The following CNTNAP2 variants were observed in gnomAD, a reference collection of about 807,000 sequenced individuals.
CNTNAP2 encodes contactin-associated protein-like 2.
In CNTNAP2, 98 loss-of-function variants were observed where a neutral mutation model predicts 155.2. The observed-to-expected ratio is 0.63, with a 90% CI of 0.54 to 0.75. CNTNAP2 has a LOEUF of 0.75. Among genes scored for constraint, CNTNAP2 ranks in the 30% least tolerant of loss-of-function variants. CNTNAP2 has a pLI of 0.00. For missense variants in CNTNAP2, 1,727 were observed against 1,688.1 expected (o/e 1.02, Z -0.40); for synonymous variants, 651 against 631.2 (o/e 1.03, Z -0.47).
chr7:146,240,802 G>T (rs1476676018), intron 1 of CNTNAP2, among the ~76,000 whole-genome samples: 3 of 152,170 alleles, frequency 2.0e-5, no homozygotes, highest in Non-Finnish European at 4.4e-5. Flanking sequence ...GTTGGGAAAT[G>T]TCATTAGCCC....
intron 1 of CNTNAP2, among the ~76,000 whole-genome samples, chr7:146,360,386 G>A (rs952233331): frequency 6.6e-5 from 10 of 152,142 alleles, no homozygotes; most frequent in Admixed American, 2.0e-4. Flanking sequence ...TACTACTACT[G>A]TGTAAAAACG....
chr7:147,748,164 C>A (rs2116498458), intron 13 of CNTNAP2, among the ~76,000 whole-genome samples: 1 of 152,250 alleles, frequency 6.6e-6, no homozygotes, highest in Middle Eastern at 3.4e-3. Context: ...ACCTTGACAA[C>A]AAGCTAAGAA....
chr7:146,418,882 A>G (rs1197628596), intron 1 of CNTNAP2, among the ~76,000 whole-genome samples: 1 of 152,112 alleles, frequency 6.6e-6, no homozygotes, highest in Non-Finnish European at 1.5e-5. Context: ...CAAGATGGCC[A>G]TCTACAAGCC....
intron 3 of CNTNAP2, among the ~76,000 whole-genome samples, chr7:146,962,542 T>G (rs918589157): frequency 6.6e-6 from 1 of 152,106 alleles, no homozygotes; most frequent in African/African-American, 2.4e-5. Flanking sequence ...AACATAGTTT[T>G]TTTGTTTGTT....
At chr7:146,735,041 T>C (rs1254000987) in intron 1 of CNTNAP2, among the ~76,000 whole-genome samples, 2 of 152,178 alleles carry the variant, frequency 1.3e-5, no homozygotes, top group Non-Finnish European at 2.9e-5. Flanking sequence ...TTTGAAAATA[T>C]GCTGAAATGT....
intron 12 of CNTNAP2, among the ~76,000 whole-genome samples, chr7:147,585,121 T>G (rs546252925): frequency 6.6e-6 from 1 of 152,272 alleles, no homozygotes; most frequent in Non-Finnish European, 1.5e-5. Flanking sequence ...TAAATTGAAT[T>G]CCCGTGGCTT....
At chr7:147,098,002 G>T (rs1800579182) in intron 4 of CNTNAP2, among the ~76,000 whole-genome samples, 1 of 152,128 alleles carries the variant, frequency 6.6e-6, no homozygotes, top group South Asian at 2.1e-4. Flanking sequence ...GAAATTCTGT[G>T]TAGTGATAAT....
intron 10 of CNTNAP2, among the ~76,000 whole-genome samples, chr7:147,473,127 AG>A (rs1298419584): frequency 6.6e-6 from 1 of 152,208 alleles, no homozygotes; most frequent in East Asian, 1.9e-4. Context: ...CTGTGAGAAA[AG>A]GAGCTTTTGT....
intron 14 of CNTNAP2, among the ~76,000 whole-genome samples, chr7:147,937,750 AT>A (rs1348628607): frequency 1.3e-5 from 2 of 152,010 alleles, no homozygotes; most frequent in East Asian, 3.9e-4. Flanking sequence ...TCTTTCTCTC[AT>A]TTTCGAAACC....
intron 21 of CNTNAP2, among the ~76,000 whole-genome samples, chr7:148,284,012 C>A (rs1292647845): frequency 6.6e-6 from 1 of 152,202 alleles, no homozygotes; most frequent in Non-Finnish European, 1.5e-5. Context: ...TTAGCAGCAA[C>A]TGTATGAAAC....
At chr7:147,857,020 AAAG>A (rs1799051430) in intron 13 of CNTNAP2, among the ~76,000 whole-genome samples, 1 of 152,236 alleles carries the variant, frequency 6.6e-6, no homozygotes, top group African/African-American at 2.4e-5. Flanking sequence ...AGGCTGGGAC[AAAG>A]AAGATGACAG....
At chr7:146,210,046 C>T (rs939344147) in intron 1 of CNTNAP2, among the ~76,000 whole-genome samples, 3 of 152,108 alleles carry the variant, frequency 2.0e-5, no homozygotes, top group African/African-American at 7.2e-5. Context: ...CCTTCTCCCC[C>T]AGATTAAATC....
At chr7:147,049,733 G>A (rs886247273) in intron 4 of CNTNAP2, among the ~76,000 whole-genome samples, 2 of 152,056 alleles carry the variant, frequency 1.3e-5, no homozygotes, top group Non-Finnish European at 2.9e-5. Context: ...AGAGGGAATG[G>A]GGCTTCTTTC....
At chr7:147,868,539 G>A (rs764750580) in intron 13 of CNTNAP2, among the ~76,000 whole-genome samples, 1 of 152,234 alleles carries the variant, frequency 6.6e-6, no homozygotes, top group East Asian at 1.9e-4. Context: ...TGCAGAAGTT[G>A]TCTGCTGCCT....
At chr7:146,935,889 A>G (rs1796904358) in intron 3 of CNTNAP2, among the ~76,000 whole-genome samples, 1 of 152,186 alleles carries the variant, frequency 6.6e-6, no homozygotes, top group Non-Finnish European at 1.5e-5. Flanking sequence ...AGTAGGGACC[A>G]TACTTTCAAC....
intron 1 of CNTNAP2, among the ~76,000 whole-genome samples, chr7:146,589,214 G>A (rs758851662): frequency 1.3e-5 from 2 of 150,586 alleles, no homozygotes; most frequent in Non-Finnish European, 3.0e-5. Flanking sequence ...TATACAAAGT[G>A]GAGTGTAGGT....
intron 12 of CNTNAP2, among the ~76,000 whole-genome samples, chr7:147,565,998 A>G (rs1012881498): frequency 8.6e-5 from 13 of 151,586 alleles, no homozygotes; most frequent in Non-Finnish European, 1.5e-5. Flanking sequence ...GAAACTCAAT[A>G]GGCGGGACAC....
intron 3 of CNTNAP2, among the ~76,000 whole-genome samples, chr7:146,964,966 A>AG (rs201207399): frequency 2.8e-5 from 4 of 140,514 alleles, no homozygotes; most frequent in Admixed American, 2.8e-4. Flanking sequence ...TATAAAAAAA[A>AG]CAAAACAAAA....
chr7:146,155,438 A>G (rs1584776426), intron 1 of CNTNAP2, among the ~76,000 whole-genome samples: 1 of 152,144 alleles, frequency 6.6e-6, no homozygotes, highest in East Asian at 1.9e-4. Flanking sequence ...CTCTCATACA[A>G]TTTTATTCGT....
Sources: allele counts gnomAD v4.1 joint callset (sites outside exome capture counted in the v4.1 genomes callset), GRCh38; gene constraint gnomAD v4.1.1; transcripts MANE v1.5; gene names NCBI Gene and HGNC (gene_info 2026-07-23, HGNC 2026-07-21).